Variants in KATNIP observed in about 807,000 individuals in gnomAD.
KATNIP encodes katanin interacting protein, also known as katanin-interacting protein.
Under a neutral mutation model 174.0 loss-of-function variants are expected in KATNIP, and 126 were observed. The ratio of observed to expected loss-of-function variants is 0.72; its 90% CI spans 0.63 to 0.84. KATNIP has a LOEUF of 0.84. Among genes scored for constraint, KATNIP ranks in the 40% least tolerant of loss-of-function variants. KATNIP has a pLI of 0.00. For synonymous variants in KATNIP, 810 were observed against 835.7 expected, an observed-to-expected ratio of 0.97 and a Z score of 0.53; for missense variants, 1,958 against 2,109.7, an observed-to-expected ratio of 0.93 and a Z score of 1.41.
At chr16:27,644,614 T>C (rs943300053) in intron 5 of KATNIP, 3 of 152,254 alleles carry the variant, frequency 2.0e-5, no homozygotes, top group African/African-American at 7.2e-5. Context: ...CAAGTGATCC[T>C]CTTGCCTTGC....
At chr16:27,732,373 G>T (rs1206897888) in intron 14 of KATNIP, among the ~76,000 whole-genome samples, 1 of 152,200 alleles carries the variant, frequency 6.6e-6, no homozygotes, top group African/African-American at 2.4e-5. Context: ...ACACGTAAAA[G>T]ACCATGAATG....
At chr16:27,706,889 A>G (rs2079329989) in intron 12 of KATNIP, among the ~76,000 whole-genome samples, 1 of 152,208 alleles carries the variant, frequency 6.6e-6, no homozygotes, top group South Asian at 2.1e-4. Flanking sequence ...GGAGTCAACT[A>G]GGCCAGTTTA....
chr16:27,723,760 G>C (rs1434959486), intron 14 of KATNIP, among the ~76,000 whole-genome samples: 1 of 152,172 alleles, frequency 6.6e-6, no homozygotes, highest in Non-Finnish European at 1.5e-5. Context: ...GTTGGAGGCA[G>C]AGCGGGGAAC....
intron 3 of KATNIP, among the ~76,000 whole-genome samples, chr16:27,624,027 G>A (rs996824459): frequency 9.2e-5 from 14 of 152,150 alleles, no homozygotes; most frequent in Non-Finnish European, 1.3e-4. Flanking sequence ...ACCTCCCTGG[G>A]CTGCCATGAG....
chr16:27,681,114 G>A, intron 7 of KATNIP: 1 of 343,294 alleles, frequency 2.9e-6, no homozygotes, highest in East Asian at 6.8e-5. Flanking sequence ...TTACAGGTGT[G>A]AGCCACCGCC....
intron 1 of KATNIP, among the ~76,000 whole-genome samples, chr16:27,552,566 G>A (rs1364524989): frequency 1.3e-5 from 2 of 151,216 alleles, no homozygotes; most frequent in African/African-American, 4.9e-5. Flanking sequence ...AGTAGACATG[G>A]GGTTTCCCCA....
At chr16:27,582,674 G>C (rs2090744196) in intron 2 of KATNIP, among the ~76,000 whole-genome samples, 1 of 152,136 alleles carries the variant, frequency 6.6e-6, no homozygotes, top group Non-Finnish European at 1.5e-5. Flanking sequence ...TATCACTCAG[G>C]CAAGTGACTT....
intron 5 of KATNIP, among the ~76,000 whole-genome samples, chr16:27,646,154 G>A (rs1458300893): frequency 2.0e-5 from 3 of 152,224 alleles, no homozygotes; most frequent in Non-Finnish European, 4.4e-5. Context: ...ACTGGTGTAA[G>A]CAAAAAGGAG....
chr16:27,710,069 A>G (rs970902050), intron 13 of KATNIP, among the ~76,000 whole-genome samples: 10 of 152,122 alleles, frequency 6.6e-5, no homozygotes, highest in Non-Finnish European at 1.2e-4. Flanking sequence ...TCCTTTAAAT[A>G]TCCAACAGAG....
chr16:27,772,275 A>G (rs933533517), intron 22 of KATNIP, among the ~76,000 whole-genome samples: 1 of 152,178 alleles, frequency 6.6e-6, no homozygotes, highest in Non-Finnish European at 1.5e-5. Flanking sequence ...CTCTGGTACT[A>G]CTATCATTCC....
chr16:27,772,044 A>G (rs1395693919), intron 22 of KATNIP, among the ~76,000 whole-genome samples: 1 of 152,200 alleles, frequency 6.6e-6, no homozygotes, highest in Non-Finnish European at 1.5e-5. Context: ...TAGGAGACCA[A>G]GGAGGTTGGA....
chr16:27,600,733 T>TA (rs1041456151), intron 2 of KATNIP, among the ~76,000 whole-genome samples: 1 of 131,932 alleles, frequency 7.6e-6, no homozygotes, highest in African/African-American at 2.7e-5. Context: ...CTGCCTCCTC[T>TA]TTTTTTTTTT....
chr16:27,755,987 G>A (rs1342426597), intron 18 of KATNIP, among the ~76,000 whole-genome samples: 3 of 152,208 alleles, frequency 2.0e-5, no homozygotes, highest in Non-Finnish European at 1.5e-5. Flanking sequence ...CACAAGTCAA[G>A]AGCCTCAGTG....
chr16:27,590,288 C>T (rs1227019001), intron 2 of KATNIP, among the ~76,000 whole-genome samples: 1 of 151,372 alleles, frequency 6.6e-6, no homozygotes, highest in East Asian at 1.9e-4. Context: ...GATATGTGCT[C>T]TTCTGTGTAG....
Position 27,749,682 on chromosome 16 carries a change from C to T in KATNIP, c.2722C>T (p.Arg908Cys), listed in dbSNP as rs746045665. The change falls in exon 16 of 28, where the codon CGC (arginine) becomes TGC (cysteine). Residue 908 changes from arginine to cysteine, a missense_variant. Physicochemically the swap from Arg to Cys is radical, Grantham distance 180. Transcript: ENST00000261588. Reference sequence around the variant, plus strand: ...ATGGAGCTCCCTCAGTGCCTTCGACCGCTCCCACCGGGGACGCATCTCCAA... The same window carrying T: ...ATGGAGCTCCCTCAGTGCCTTCGACTGCTCCCACCGGGGACGCATCTCCAA... ...ESWSSLSAFD[R>C]SHRGRISNTE... is the part of the protein sequence containing the mutation. 1.7e-5 allele frequency: 28 copies of T among 1,612,672 alleles called. No individual in the cohort carries two copies. The highest frequency in any genetic ancestry group is 5.5e-5 in the South Asian group (5 of 90,820).
intron 19 of KATNIP, among the ~76,000 whole-genome samples, 170 bp downstream of exon 19, chr16:27,761,760 A>G (rs764333660): frequency 2.6e-5 from 4 of 152,226 alleles, no homozygotes; most frequent in Non-Finnish European, 5.9e-5. Context: ...ACCAAGGCTC[A>G]GGAAAGAGAG....
At chr16:27,572,961 A>G (rs556782957) in intron 1 of KATNIP, among the ~76,000 whole-genome samples, 1 of 152,316 alleles carries the variant, frequency 6.6e-6, no homozygotes, top group African/African-American at 2.4e-5. Context: ...CTTTATCACC[A>G]GCTGTGACCC....
intron 16 of KATNIP, among the ~76,000 whole-genome samples, chr16:27,750,721 C>T (rs1356833684): frequency 1.4e-4 from 21 of 148,056 alleles, no homozygotes; most frequent in African/African-American, 2.0e-4. Flanking sequence ...CGTGAGCCAC[C>T]GCGCCCAGCC....
intron 2 of KATNIP, among the ~76,000 whole-genome samples, chr16:27,599,376 G>C (rs1355741209): frequency 6.6e-6 from 1 of 152,218 alleles, no homozygotes; most frequent in Admixed American, 6.5e-5. Context: ...CAGAAGAGCT[G>C]AGTGGCTATT....
Sources: gnomAD v4.1 joint callset for allele counts (sites outside exome capture counted in the v4.1 genomes callset) on GRCh38, gnomAD v4.1.1 for gene constraint, MANE v1.5 for transcripts, NCBI Gene and HGNC (gene_info 2026-07-23, HGNC 2026-07-21) for gene names.